Variants in HNRNPK observed in about 807,000 individuals in gnomAD.
The protein encoded by HNRNPK is heterogeneous nuclear ribonucleoprotein K, also known as dC-stretch binding protein.
A neutral mutation model predicts 67.0 loss-of-function variants in HNRNPK; 7 were observed. The observed-to-expected ratio is 0.10, with a 90% CI of 0.06 to 0.20. The LOEUF is 0.20. Ranked by LOEUF, HNRNPK falls within the 10% of genes least tolerant of loss-of-function variation. The pLI is 1.00. For synonymous variants in HNRNPK, 213 were observed against 193.7 expected (o/e 1.10, Z -0.83); for missense variants, 264 against 606.5 (o/e 0.44, Z 5.93).
intron 11 of HNRNPK, 53 bp from the exon 12 acceptor site, chr9:83,971,779 C>CA: frequency 6.3e-7 from 1 of 1,597,356 alleles, no homozygotes; most frequent in African/African-American, 1.3e-5. Context: ...CCACACATAT[C>CA]AAATCAAAGT....
In HNRNPK at chr9:83,971,393, G is replaced by C. The variant is rs542467846; in HGVS notation, c.1009-37C>G. On this transcript the variant is annotated intron_variant, in intron 12 of 16. Coordinates refer to ENST00000376263, the MANE Select transcript of HNRNPK (RefSeq NM_031263.4). ...AAAAACATTAACATGAACCCGCATT[G>C]TATTTTGTTATAGAGCTGTTTTTAA... is the stretch of plus-strand genomic sequence containing the variant. 44 of 1,399,710 alleles carry C rather than the reference G, an allele frequency of 3.1e-5. 1 individual carries two copies. In the South Asian group the frequency reaches 5.1e-4, roughly 16 times the overall value. The allele number at this position is 1,399,710 out of a possible 1,614,324, so 86.7% of individuals were successfully genotyped here. A position where few individuals can be genotyped will look rare whatever the true frequency, so the allele number is the denominator to read the frequency against.
rs943603014 is a variant in HNRNPK, at chr9:83,980,138, A to C, written c.-108+15T>G. 6.6e-6 allele frequency: 1 copy of C among 152,438 alleles called. No individual in the cohort carries two copies. Among genetic ancestry groups the C allele is most frequent in the African/African-American group, 2.4e-5 (1 of 41,414 alleles). 9.4% of individuals were successfully genotyped at this position (152,438 alleles called of 1,614,324 possible). On this transcript the variant is annotated intron_variant, in intron 1 of 16. Transcript: ENST00000376263. ...CCTCACCTCCACGAGCCGCTCCCCC[A>C]ACCCGGCTCCTCACCGCGCGAGACT...
intron 5 of HNRNPK, chr9:83,976,539 A>C (rs558442590): frequency 6.5e-6 from 1 of 152,878 alleles, no homozygotes; most frequent in Non-Finnish European, 1.5e-5. Flanking sequence ...CCTCAACATT[A>C]AATTCTTTGT....
Position 83,977,058 on chromosome 9 carries a change from A to G in HNRNPK, c.157-7T>C, listed in dbSNP as rs760994887. Reference sequence around the variant, plus strand: ...CAATCACTGCCCCAGCATTCTGGAGAAGATACAAAGACAAAAAATTATTTT... The same window carrying G: ...CAATCACTGCCCCAGCATTCTGGAGGAGATACAAAGACAAAAAATTATTTT... On this transcript the variant is annotated splice_region_variant and splice_polypyrimidine_tract_variant and intron_variant, in intron 4 of 16. Coordinates refer to ENST00000376263, the MANE Select transcript of HNRNPK (RefSeq NM_031263.4). The G allele has an allele frequency of 6.2e-7, 1 of 1,606,200 alleles. No individual in the cohort carries two copies. Among genetic ancestry groups the G allele is most frequent in the Admixed American group, 1.7e-5 (1 of 59,946 alleles).
intron 5 of HNRNPK, among the ~76,000 whole-genome samples, chr9:83,975,933 G>A (rs1412720277): frequency 6.6e-6 from 1 of 152,038 alleles, no homozygotes; most frequent in Non-Finnish European, 1.5e-5. Context: ...TTCAGTAGCA[G>A]GCTGGCTCAT....
chr9:83,979,562 G>A (rs1470465246), intron 1 of HNRNPK, among the ~76,000 whole-genome samples: 4 of 152,022 alleles, frequency 2.6e-5, no homozygotes, highest in Admixed American at 6.6e-5. Context: ...CGGGTAACAG[G>A]ACGGGAAAAA....
At chr9:83,970,008 A>G in intron 16 of HNRNPK, 154 bp downstream of exon 16, 5 of 664,502 alleles carry the variant, frequency 7.5e-6, no homozygotes, top group Non-Finnish European at 5.2e-6. Flanking sequence ...AGAAAGCAGA[A>G]GAAAAATTAA....
At chr9:83,970,059 G>T in intron 16 of HNRNPK, 103 bp downstream of exon 16, 1 of 921,630 alleles carries the variant, frequency 1.1e-6, no homozygotes, top group Non-Finnish European at 1.7e-6. Flanking sequence ...TCCCCAAAAG[G>T]TTGAGACACC....
At chr9:83,979,049 G>A (rs191171392) in intron 1 of HNRNPK, among the ~76,000 whole-genome samples, 102 of 152,234 alleles carry the variant, frequency 6.7e-4, no homozygotes, top group Non-Finnish European at 1.1e-3. Flanking sequence ...AGTCACTAGC[G>A]GATTATTTTA....
At chr9:83,973,548 C>T (rs1048138929) in intron 8 of HNRNPK, 149 bp from the exon 9 acceptor site, 1 of 605,850 alleles carries the variant, frequency 1.7e-6, no homozygotes, top group African/African-American at 1.9e-5. Flanking sequence ...GCTTATTATC[C>T]TCAATAGCCA....
chr9:83,974,477 C>A, intron 7 of HNRNPK, 40 bp downstream of exon 7: 1 of 968,666 alleles, frequency 1.0e-6, no homozygotes, highest in South Asian at 1.3e-5. Flanking sequence ...AACATTCCCC[C>A]CTCATATTGT....
chr9:83,968,560 A>G lies in HNRNPK; in HGVS notation c.*847T>C, dbSNP rs1036557252. The G allele has an allele frequency of 6.6e-6, 1 of 152,586 alleles. No homozygotes were observed. The highest frequency in any genetic ancestry group is 1.5e-5 in the Non-Finnish European group (1 of 68,040). 9.5% of individuals were successfully genotyped at this position (152,586 alleles called of 1,614,324 possible). ...AATCAGAATTCTGGTATATACTCAT[A>G]CCATTACTCAACTTGTAGTACTGCT... On this transcript the variant is annotated 3_prime_UTR_variant, in exon 17 of 17. Transcript: ENST00000376263.
intron 16 of HNRNPK, 25 bp from the exon 17 acceptor site, chr9:83,969,465 G>A (rs1338431954): frequency 1.3e-6 from 2 of 1,523,242 alleles, no homozygotes; most frequent in Non-Finnish European, 9.0e-7. Flanking sequence ...AAAAAAAAGT[G>A]CGAATTAGAA....
intron 5 of HNRNPK, 193 bp downstream of exon 5, chr9:83,976,802 C>A: frequency 2.3e-6 from 1 of 439,830 alleles, no homozygotes. Flanking sequence ...AGAAACCACC[C>A]CCCCACCCTG....
rs1469446879 is a variant in HNRNPK at position 83,968,418 on chromosome 9, G to A, written c.*989C>T. On this transcript the variant is annotated 3_prime_UTR_variant, in exon 17 of 17. Coordinates refer to ENST00000376263, the MANE Select transcript of HNRNPK (RefSeq NM_031263.4). ...ACAAAGTTTAACTAATAAGACACTA[G>A]AGCAAATTGACAGTTTAAGTCTATA... The A allele has an allele frequency of 6.6e-6, 1 of 152,230 alleles. No individual in the cohort carries two copies. The highest frequency in any genetic ancestry group is 6.6e-5 in the Admixed American group (1 of 15,250). The allele number at this position is 152,230 out of a possible 1,614,324, so 9.4% of individuals were successfully genotyped here. A position where few individuals can be genotyped will look rare whatever the true frequency, so the allele number is the denominator to read the frequency against.
intron 12 of HNRNPK, 84 bp downstream of exon 12, chr9:83,971,588 T>C (rs1956844665): frequency 8.8e-7 from 1 of 1,139,518 alleles, no homozygotes; most frequent in East Asian, 2.4e-5. Flanking sequence ...AACTTTTTAA[T>C]CACTATAACC....
chr9:83,976,325 G>A (rs949317617), intron 5 of HNRNPK, among the ~76,000 whole-genome samples: 1 of 152,096 alleles, frequency 6.6e-6, no homozygotes, highest in Admixed American at 6.6e-5. Context: ...TGTACACTAT[G>A]AGAAAAAAAA....
At chr9:83,969,670 T>C (rs1407493800) in intron 16 of HNRNPK, 2 of 608,470 alleles carry the variant, frequency 3.3e-6, no homozygotes, top group Non-Finnish European at 6.0e-6. Flanking sequence ...GAATTGAAAG[T>C]TGTTAATATT....
At chr9:83,978,729 C>A (rs112370023) in intron 1 of HNRNPK, among the ~76,000 whole-genome samples, 6 of 152,210 alleles carry the variant, frequency 3.9e-5, no homozygotes, top group African/African-American at 1.4e-4. Flanking sequence ...ATTCCCAAAA[C>A]CCTGAAAAGA....
Sources: allele counts gnomAD v4.1 joint callset (sites outside exome capture counted in the v4.1 genomes callset), GRCh38; gene constraint gnomAD v4.1.1; transcripts MANE v1.5; gene names NCBI Gene and HGNC (gene_info 2026-07-23, HGNC 2026-07-21).